KIAA1217: variants seen among roughly 807,000 people sequenced by gnomAD.
KIAA1217 encodes the protein sickle tail protein homolog.
In KIAA1217, 88 loss-of-function variants were observed where a neutral mutation model predicts 163.9. The ratio of observed to expected loss-of-function variants is 0.54; its 90% CI spans 0.45 to 0.64. The LOEUF (loss-of-function observed/expected upper bound fraction) is 0.64. Among genes scored for constraint, KIAA1217 ranks in the 30% least tolerant of loss-of-function variants. The pLI, the probability that KIAA1217 is intolerant of heterozygous loss-of-function variation, is 0.00. For synonymous variants in KIAA1217, 903 were observed against 923.1 expected (o/e 0.98, Z 0.39); for missense variants, 2,372 against 2,475.0 (o/e 0.96, Z 0.88).
chr10:24,467,338 T>C (rs533053827), intron 5 of KIAA1217, among the ~76,000 whole-genome samples: 1 of 152,300 alleles, frequency 6.6e-6, no homozygotes, highest in East Asian at 1.9e-4. Flanking sequence ...AACTACCCTC[T>C]TTCTAAGAAC....
rs1170055206 is a variant in KIAA1217 at position 24,147,866 on chromosome 10, A to G, written c.-170-71760A>G. Among the ~76,000 whole-genome samples, 3 of 149,526 alleles carry G rather than the reference A, an allele frequency of 2.0e-5. No homozygotes were observed. In the East Asian group the frequency reaches 5.8e-4, roughly 29 times the overall value. On this transcript the variant is annotated intron_variant, in intron 2 of 18. Transcript: ENST00000376462. ...AAAAAAAAAAAAAAAAAAAAAAGAAAGAAAGAGAAAAGAAAAGAAAAATGA... is the reference window on the plus strand; with the variant it reads ...AAAAAAAAAAAAAAAAAAAAAAGAAGGAAAGAGAAAAGAAAAGAAAAATGA...
rs2067753643 is a variant in KIAA1217 at position 24,209,181 on chromosome 10, G to A, written c.-13G>A. On this transcript the variant is annotated 5_prime_UTR_variant, in exon 1 of 21. Coordinates refer to ENST00000376454, the MANE Select transcript of KIAA1217 (RefSeq NM_019590.5). ...TTCCAGAGAGCGAGGAGCTTTTGCG[G>A]CAGGCAGAGACAATGGAAGAAAATG... 6.2e-7 allele frequency: 1 copy of A among 1,613,340 alleles called. No homozygotes were observed. The highest frequency in any genetic ancestry group is 8.5e-7 in the Non-Finnish European group (1 of 1,179,464).
intron 1 of KIAA1217, among the ~76,000 whole-genome samples, chr10:23,745,013 C>T (rs1253949678): frequency 6.6e-6 from 1 of 152,150 alleles, no homozygotes; most frequent in East Asian, 1.9e-4. Flanking sequence ...CAAAAAAAAT[C>T]CTTCACAGAA....
At chr10:24,337,247 G>T (rs1317416007) in intron 2 of KIAA1217, among the ~76,000 whole-genome samples, 1 of 152,172 alleles carries the variant, frequency 6.6e-6, no homozygotes, top group Non-Finnish European at 1.5e-5. Flanking sequence ...TTAAAAATTA[G>T]GTCTAAGACT....
chr10:24,150,089 C>G (rs1024447098), intron 2 of KIAA1217, among the ~76,000 whole-genome samples: 1 of 152,162 alleles, frequency 6.6e-6, no homozygotes, highest in African/African-American at 2.4e-5. Flanking sequence ...GCGATCTCAG[C>G]TCACTGCAAC....
intron 5 of KIAA1217, among the ~76,000 whole-genome samples, chr10:24,470,184 G>C (rs910259223): frequency 6.6e-6 from 1 of 152,190 alleles, no homozygotes; most frequent in African/African-American, 2.4e-5. Flanking sequence ...GCTGCTTCCT[G>C]CTGAGCCATA....
intron 1 of KIAA1217, among the ~76,000 whole-genome samples, chr10:23,720,124 G>GTAC (rs1483788265): frequency 6.6e-6 from 1 of 151,764 alleles, no homozygotes; most frequent in East Asian, 1.9e-4. Context: ...ACACAAAGTT[G>GTAC]TGAATGTACT....
At chr10:23,766,797 C>T (rs1173276612) in intron 1 of KIAA1217, among the ~76,000 whole-genome samples, 1 of 152,032 alleles carries the variant, frequency 6.6e-6, no homozygotes, top group Admixed American at 6.6e-5. Flanking sequence ...CCATGTTGGC[C>T]AGACGGGTCA....
At chr10:24,511,739 T>C (rs937160097) in intron 9 of KIAA1217, among the ~76,000 whole-genome samples, 1 of 152,106 alleles carries the variant, frequency 6.6e-6, no homozygotes, top group Non-Finnish European at 1.5e-5. Flanking sequence ...TTAGCAAAAG[T>C]GGTGTGAGAG....
intron 2 of KIAA1217, among the ~76,000 whole-genome samples, chr10:24,366,549 G>T (rs1424065882): frequency 1.3e-5 from 2 of 152,234 alleles, no homozygotes; most frequent in Non-Finnish European, 2.9e-5. Flanking sequence ...ACACTCCAGG[G>T]TCCACCAGGT....
intron 2 of KIAA1217, among the ~76,000 whole-genome samples, chr10:24,026,742 A>ATTTTTTTTTTTTTTTTTTTTT: frequency 4.3e-5 from 3 of 70,092 alleles, no homozygotes; most frequent in East Asian, 4.5e-4. Flanking sequence ...TATTTCATTG[A>ATTTTTTTTTTTTTTTTTTTTT]TTTTTTTTTT....
At chr10:24,528,209 G>A (rs1354143925) in intron 14 of KIAA1217, 90 bp downstream of exon 14, 1 of 994,068 alleles carries the variant, frequency 1.0e-6, no homozygotes, top group South Asian at 1.9e-5. Context: ...CTCATCAACA[G>A]AACCAATGTC....
intron 1 of KIAA1217, among the ~76,000 whole-genome samples, chr10:23,790,647 A>ATG (rs1191035177): frequency 7.2e-6 from 1 of 139,488 alleles, no homozygotes; most frequent in Non-Finnish European, 1.5e-5. Flanking sequence ...ATGTATACAT[A>ATG]TGTGTATATA....
rs745486768 is a variant in KIAA1217 at position 24,544,104 on chromosome 10, G to A, written c.4834G>A (p.Gly1612Ser). ...VVVYEEEEED[G>S]TLKQHKEAKR... Reference sequence around the variant, plus strand: ...AGTCTATGAAGAAGAGGAAGAGGATGGCACCCTGAAACAGCACAAAGAAGC... The same window carrying A: ...AGTCTATGAAGAAGAGGAAGAGGATAGCACCCTGAAACAGCACAAAGAAGC... Residue 1612 changes from glycine (G) to serine (S), a missense_variant, in exon 19 of 21, where the codon GGC (glycine) becomes AGC (serine). Physicochemically the swap from Gly to Ser is moderately conservative, Grantham distance 56. This residue lies in a region of KIAA1217 where 690 missense variants were observed against 677.5 expected (regional missense o/e 1.02). Transcript: ENST00000376454. 1.2e-6 allele frequency: 2 copies of A among 1,614,134 alleles called. No homozygotes were observed. The highest frequency in any genetic ancestry group is 1.7e-6 in the Non-Finnish European group (2 of 1,180,034).
intron 1 of KIAA1217, among the ~76,000 whole-genome samples, chr10:23,830,306 A>G (rs912350024): frequency 6.6e-6 from 1 of 152,194 alleles, no homozygotes; most frequent in Non-Finnish European, 1.5e-5. Context: ...TCCTTCGTTG[A>G]CAGTGAAGTC....
At chr10:23,985,508 CCTA>C (rs1429119709) in intron 1 of KIAA1217, among the ~76,000 whole-genome samples, 1 of 152,156 alleles carries the variant, frequency 6.6e-6, no homozygotes, top group Non-Finnish European at 1.5e-5. Flanking sequence ...TTGACAATTA[CCTA>C]ACATAGGTCC....
At chr10:24,187,224 G>A (rs1021065767) in intron 2 of KIAA1217, among the ~76,000 whole-genome samples, 4 of 152,136 alleles carry the variant, frequency 2.6e-5, no homozygotes, top group African/African-American at 9.7e-5. Flanking sequence ...GCTTGTCACA[G>A]CATCCTGGGT....
intron 3 of KIAA1217, among the ~76,000 whole-genome samples, chr10:24,402,514 A>C (rs2056664918): frequency 8.3e-6 from 1 of 120,276 alleles, no homozygotes; most frequent in Non-Finnish European, 1.7e-5. Context: ...CTCTCAAAAA[A>C]ACAAAAAACA....
intron 1 of KIAA1217, among the ~76,000 whole-genome samples, chr10:23,867,601 GTGA>G (rs1840255064): frequency 6.6e-6 from 1 of 152,196 alleles, no homozygotes; most frequent in African/African-American, 2.4e-5. Context: ...GTGATGGCCA[GTGA>G]TGATGAGCAT....
Sources: allele counts gnomAD v4.1 joint callset (sites outside exome capture counted in the v4.1 genomes callset), GRCh38; gene constraint gnomAD v4.1.1; regional missense constraint gnomAD v4.1.1; transcripts MANE v1.5; gene names NCBI Gene and HGNC (gene_info 2026-07-23, HGNC 2026-07-21).